CIRSR: variants seen among roughly 807,000 people sequenced by gnomAD.
CIRSR encodes CBF1 (RBPJ) interacting corepressor 1.
chr2:174,358,135 G>A, the CIRSR span: 9 of 152,164 alleles, frequency 5.9e-5, no homozygotes, highest in Non-Finnish European at 8.8e-5. Flanking sequence ...TGTCTGGAAA[G>A]TACACAAAGG....
the CIRSR span, among the ~76,000 whole-genome samples, chr2:174,366,465 T>G: frequency 6.9e-4 from 105 of 152,062 alleles, no homozygotes; most frequent in Middle Eastern, 0.014. Context: ...CCTTCAAAAG[T>G]GAAGAAGAAA....
the CIRSR span, among the ~76,000 whole-genome samples, chr2:174,356,981 C>G: frequency 0.06 from 9,196 of 152,124 alleles, 870 homozygotes; most frequent in African/African-American, 0.21. Context: ...TGCTTCTCAA[C>G]ATTGATAATT....
the CIRSR span, among the ~76,000 whole-genome samples, chr2:174,355,957 G>A: frequency 6.6e-6 from 1 of 152,064 alleles, no homozygotes; most frequent in Admixed American, 6.6e-5. Flanking sequence ...TGCTCCATTC[G>A]AAGTTCATCA....
At chr2:174,349,067 TGAG>T in the CIRSR span, 1 of 1,584,604 alleles carries the variant, frequency 6.3e-7, no homozygotes. Flanking sequence ...AGGAGGAAGA[TGAG>T]GAAGAAGAGG....
At chr2:174,367,932 T>C in the CIRSR span, among the ~76,000 whole-genome samples, 1 of 152,216 alleles carries the variant, frequency 6.6e-6, no homozygotes, top group South Asian at 2.1e-4. Context: ...ACTATATTAA[T>C]GTCAGACAAG....
At chr2:174,357,760 G>A in the CIRSR span, among the ~76,000 whole-genome samples, 1 of 152,226 alleles carries the variant, frequency 6.6e-6, no homozygotes, top group East Asian at 1.9e-4. Flanking sequence ...CTGCTTTTAA[G>A]AAAGCTTAAA....
the CIRSR span, among the ~76,000 whole-genome samples, chr2:174,361,162 A>C: frequency 6.6e-6 from 1 of 152,192 alleles, no homozygotes; most frequent in African/African-American, 2.4e-5. Context: ...TCAGTTCTTT[A>C]TTTACTAGTT....
the CIRSR span, chr2:174,378,988 T>C: frequency 6.2e-7 from 1 of 1,614,050 alleles, no homozygotes; most frequent in South Asian, 1.1e-5. Context: ...ACATTCTCGA[T>C]CTGTGTTGAC....
the CIRSR span, among the ~76,000 whole-genome samples, chr2:174,374,464 G>A: frequency 6.6e-6 from 1 of 152,096 alleles, no homozygotes; most frequent in Non-Finnish European, 1.5e-5. Flanking sequence ...ATGAGCTTGG[G>A]TTCAAAAAAA....
chr2:174,365,532 T>C, the CIRSR span, among the ~76,000 whole-genome samples: 1 of 152,184 alleles, frequency 6.6e-6, no homozygotes, highest in Non-Finnish European at 1.5e-5. Flanking sequence ...ACTTACAATT[T>C]ACAAAAGAAA....
At chr2:174,375,384 G>A in the CIRSR span, among the ~76,000 whole-genome samples, 6 of 152,200 alleles carry the variant, frequency 3.9e-5, no homozygotes, top group Non-Finnish European at 7.3e-5. Context: ...GAGGTGGGAT[G>A]ATCATTTGAG....
the CIRSR span, among the ~76,000 whole-genome samples, chr2:174,388,517 G>T: frequency 6.6e-6 from 1 of 152,194 alleles, no homozygotes; most frequent in Non-Finnish European, 1.5e-5. Flanking sequence ...ATGCTTTATA[G>T]CAAGTTTGGG....
the CIRSR span, among the ~76,000 whole-genome samples, chr2:174,384,312 A>AT: frequency 6.6e-6 from 1 of 152,234 alleles, no homozygotes; most frequent in African/African-American, 2.4e-5. Flanking sequence ...AGGCATTTAG[A>AT]ATAGGCAAAT....
At chr2:174,369,902 A>G in the CIRSR span, 1 of 1,301,278 alleles carries the variant, frequency 7.7e-7, no homozygotes, top group Non-Finnish European at 1.0e-6. Context: ...TTATTGCAAT[A>G]ATTACCAAAA....
the CIRSR span, among the ~76,000 whole-genome samples, chr2:174,379,739 T>TTTTA: frequency 2.2e-5 from 3 of 135,954 alleles, no homozygotes; most frequent in African/African-American, 7.8e-5. Context: ...TTTTTTTTTT[T>TTTTA]TTGAGATGGA....
the CIRSR span, among the ~76,000 whole-genome samples, chr2:174,376,562 C>T: frequency 6.7e-6 from 1 of 149,160 alleles, no homozygotes; most frequent in South Asian, 2.1e-4. Flanking sequence ...CTTTGGGAGG[C>T]CGAGGCGAGT....
At chr2:174,383,645 C>T in the CIRSR span, among the ~76,000 whole-genome samples, 8 of 147,956 alleles carry the variant, frequency 5.4e-5, no homozygotes, top group Non-Finnish European at 5.9e-5. Flanking sequence ...GCTTGAACCT[C>T]GCAGGCAGAG....
the CIRSR span, among the ~76,000 whole-genome samples, chr2:174,353,474 G>T: frequency 6.6e-6 from 1 of 152,124 alleles, no homozygotes; most frequent in African/African-American, 2.4e-5. Context: ...AGCTTTTTGT[G>T]TGTGTGTGTG....
the CIRSR span, among the ~76,000 whole-genome samples, chr2:174,369,530 T>C: frequency 6.6e-6 from 1 of 152,260 alleles, no homozygotes; most frequent in Admixed American, 6.5e-5. Context: ...GTAGGAGGCC[T>C]ACCTTTCTAC....
Sources: allele counts gnomAD v4.1 joint callset (sites outside exome capture counted in the v4.1 genomes callset), GRCh38; gene constraint gnomAD v4.1.1; transcripts MANE v1.5; gene names NCBI Gene and HGNC (gene_info 2026-07-23, HGNC 2026-07-21).